ABCF1: variants seen among roughly 807,000 people sequenced by gnomAD.
ABCF1 encodes ATP binding cassette subfamily F member 1, also known as ATP-binding cassette sub-family F member 1.
A neutral mutation model predicts 126.3 loss-of-function variants in ABCF1; 73 were observed. That is an observed-to-expected ratio of 0.58 (90% confidence interval 0.48 to 0.70). ABCF1 has a LOEUF of 0.70. Ranked by LOEUF, ABCF1 falls within the 30% of genes least tolerant of loss-of-function variation. The pLI, the probability that ABCF1 is intolerant of heterozygous loss-of-function variation, is 0.00. For synonymous variants in ABCF1, 345 were observed against 396.4 expected, an observed-to-expected ratio of 0.87 and a Z score of 1.54; for missense variants, 786 against 1,057.5, an observed-to-expected ratio of 0.74 and a Z score of 3.56.
chr6:30,581,836 G>A (rs374585662), intron 8 of ABCF1, among the ~76,000 whole-genome samples: 7 of 152,170 alleles, frequency 4.6e-5, no homozygotes, highest in East Asian at 3.9e-4. Context: ...GGGACATAAC[G>A]CGTTGTCACA....
chr6:30,579,927 C>T lies in ABCF1; in HGVS notation c.490-4C>T. ...TGTGTAATGTGTATGTGTGTCTCCT[C>T]CAGGCCGTATCTGAGGAACAGCAGC... On this transcript the variant is annotated splice_polypyrimidine_tract_variant and splice_region_variant and intron_variant, in intron 6 of 24. Transcript: ENST00000326195. 6.2e-7 allele frequency: 1 copy of T among 1,612,688 alleles called. No individual in the cohort carries two copies. The highest frequency in any genetic ancestry group is 8.5e-7 in the Non-Finnish European group (1 of 1,179,868).
chr6:30,578,555 C>A lies in ABCF1; in HGVS notation c.467C>A (p.Pro156Gln). 1 of 1,613,778 alleles carries A rather than the reference C, an allele frequency of 6.2e-7. No individual in the cohort carries two copies. The highest frequency in any genetic ancestry group is 8.5e-7 in the Non-Finnish European group (1 of 1,179,924). Residue 156 changes from proline (P) to glutamine (Q), a missense_variant, in exon 6 of 25, where the codon CCG (proline) becomes CAG (glutamine). This residue lies in a region of ABCF1 where 322 missense variants were observed against 322.9 expected (regional missense o/e 1.00). Transcript: ENST00000326195. ...EEKHPPKPAKPEKNRINKAVS... is the reference protein window; with the variant it reads ...EEKHPPKPAKQEKNRINKAVS... ...AAACATCCTCCTAAGCCTGCCAAGC[C>A]GGAGAAGAATCGGATCAATAAGGTG...
At position 30,584,589 on chromosome 6, in the gene ABCF1, C is replaced by T; in HGVS notation, c.1391+23C>T. On this transcript the variant is annotated intron_variant, in intron 14 of 24. Coordinates refer to ENST00000326195, the MANE Select transcript of ABCF1 (RefSeq NM_001025091.2). This position sits in a 1 kb window ranked among gnomAD's most constrained non-coding sequence, Gnocchi z 4.6. Reference sequence around the variant, plus strand: ...CAGGTGGGCCATTCACCTCACTGCCCTCCCTTCCAGCCTCAGACCACCGGG... The same window carrying T: ...CAGGTGGGCCATTCACCTCACTGCCTTCCCTTCCAGCCTCAGACCACCGGG... 6.4e-7 allele frequency: 1 copy of T among 1,571,254 alleles called. No homozygotes were observed. The highest frequency in any genetic ancestry group is 8.6e-7 in the Non-Finnish European group (1 of 1,160,200).
At position 30,584,036 on chromosome 6, in the gene ABCF1, G is replaced by A. The variant is rs1265120718; in HGVS notation, c.1102+146G>A. ...GACCGGGAAAGGGATGCTAAGGAAA[G>A]GAGGGGAGGGTCAATGAGGAACTTG... On this transcript the variant is annotated intron_variant, in intron 12 of 24. Transcript: ENST00000326195. This position sits in a 1 kb window ranked among gnomAD's most constrained non-coding sequence, Gnocchi z 4.6. 7.2e-7 allele frequency: 1 copy of A among 1,387,642 alleles called. No homozygotes were observed. The highest frequency in any genetic ancestry group is 9.9e-7 in the Non-Finnish European group (1 of 1,011,518). 86.0% of individuals were successfully genotyped at this position (1,387,642 alleles called of 1,614,324 possible). A position where few individuals can be genotyped will look rare whatever the true frequency, so the allele number is the denominator to read the frequency against.
At chr6:30,590,070 A>C in intron 22 of ABCF1, 79 bp from the exon 23 acceptor site, 1 of 1,606,836 alleles carries the variant, frequency 6.2e-7, no homozygotes, top group Non-Finnish European at 8.5e-7. Flanking sequence ...GCCTCAGCTC[A>C]CAAACTGGCA....
chr6:30,577,115 A>G (rs1801538975), intron 1 of ABCF1, among the ~76,000 whole-genome samples: 2 of 152,202 alleles, frequency 1.3e-5, no homozygotes, highest in South Asian at 2.1e-4. Flanking sequence ...CTCTCTTCCT[A>G]TAGCCTGCAA....
Position 30,583,060 on chromosome 6 carries a change from T to A in ABCF1, c.793-6T>A. 3.1e-6 allele frequency: 5 copies of A among 1,600,646 alleles called. No homozygotes were observed. The highest frequency in any genetic ancestry group is 4.3e-6 in the Non-Finnish European group (5 of 1,169,796). ...GCTTCAAATGTAGTTTTTCCTACCT[T>A]CTCAGATGGAGTATGAGCGCCAAGT... On this transcript the variant is annotated splice_region_variant and splice_polypyrimidine_tract_variant and intron_variant, in intron 9 of 24. Coordinates refer to ENST00000326195, the MANE Select transcript of ABCF1 (RefSeq NM_001025091.2). The surrounding 1 kb of genome is among the most constrained non-coding windows in gnomAD (Gnocchi z 4.1).
intron 8 of ABCF1, 92 bp downstream of exon 8, chr6:30,580,611 T>TC: frequency 1.3e-6 from 1 of 760,638 alleles, no homozygotes; most frequent in Non-Finnish European, 2.0e-6. Flanking sequence ...ATAGTTATTA[T>TC]CCCAGCAAAC....
Position 30,591,446 on chromosome 6 carries a change from G to GC in ABCF1, c.*745_*746insC, listed in dbSNP as rs1802451131. On this transcript the variant is annotated 3_prime_UTR_variant, in exon 25 of 25. Transcript: ENST00000326195. ...TCTTGTTTGCAGTCTTGCTGACAGT[G>GC]TTTGCTGTTTAAGGATCATAGGATT... 1 of 150,684 alleles carries GC rather than the reference G, an allele frequency of 6.6e-6. No individual in the cohort carries two copies. Among genetic ancestry groups the GC allele is most frequent in the Non-Finnish European group, 1.5e-5 (1 of 67,898 alleles). 9.3% of individuals were successfully genotyped at this position (150,684 alleles called of 1,614,324 possible). A position where few individuals can be genotyped will look rare whatever the true frequency, so the allele number is the denominator to read the frequency against.
chr6:30,580,169 C>T (rs1391361283), intron 7 of ABCF1, among the ~76,000 whole-genome samples, 164 bp downstream of exon 7: 2 of 151,838 alleles, frequency 1.3e-5, no homozygotes, highest in Non-Finnish European at 2.9e-5. Context: ...CACGGTAAAA[C>T]CCCGTCTCTA....
Position 30,586,529 on chromosome 6 carries a change from C to T in ABCF1, c.1941C>T (p.Gly647=), listed in dbSNP as rs772256644. The change falls in exon 19 of 25, where the codon GGC becomes GGT. Residue 647 remains glycine, a synonymous_variant. Transcript: ENST00000326195. This position sits in a 1 kb window ranked among gnomAD's most constrained non-coding sequence, Gnocchi z 4.9. ...CACTCTTTAAGAACTTGGATTTTGG[C>T]ATCGACATGGATTCAAGGAGTGAGT... ...QKPLFKNLDF[G]IDMDSRICIV... 1 of 1,613,360 alleles carries T rather than the reference C, an allele frequency of 6.2e-7. No individual in the cohort carries two copies. Among genetic ancestry groups the T allele is most frequent in the Non-Finnish European group, 8.5e-7 (1 of 1,180,036 alleles).
Position 30,583,691 on chromosome 6 carries a change from G to A in ABCF1, c.999G>A (p.Gly333=). The A allele has an allele frequency of 6.2e-7, 1 of 1,614,076 alleles. No homozygotes were observed. ...ACATTGTAGCCGGCCGCCGCTACGG[G>A]CTGGTAGGACCCAATGGGTGAGAAG... ...DLYIVAGRRY[G]LVGPNGKGKT... is the part of the protein sequence containing the mutation. Residue 333 remains glycine (G), a synonymous_variant, in exon 11 of 25, where the codon GGG becomes GGA. Coordinates refer to ENST00000326195, the MANE Select transcript of ABCF1 (RefSeq NM_001025091.2). The surrounding 1 kb of genome is among the most constrained non-coding windows in gnomAD (Gnocchi z 4.1).
rs191359115 is a variant in ABCF1 at position 30,578,086 on chromosome 6, A to G, written c.227A>G (p.Lys76Arg). Residue 76 changes from lysine to arginine, a missense_variant, in exon 4 of 25, where the codon AAG becomes AGG. By Grantham distance (26) the Lys-to-Arg change is conservative. Coordinates refer to ENST00000326195, the MANE Select transcript of ABCF1 (RefSeq NM_001025091.2). ...TTTTGCTCTCAGCAGCAAAAAAAAA[A>G]GCGAGATACCCGAAAAGGCAGGCGG... ...QQQQQQQQKKKRDTRKGRRKK... is the reference protein window; with the variant it reads ...QQQQQQQQKKRRDTRKGRRKK... The G allele has an allele frequency of 1.9e-5, 31 of 1,614,024 alleles. No individual in the cohort carries two copies. The highest frequency in any genetic ancestry group is 2.4e-5 in the Non-Finnish European group (28 of 1,179,992).
Position 30,590,305 on chromosome 6 carries a change from G to A in ABCF1, c.2299-1G>A. 1 of 1,612,056 alleles carries A rather than the reference G, an allele frequency of 6.2e-7. No homozygotes were observed. Among genetic ancestry groups the A allele is most frequent in the Non-Finnish European group, 8.5e-7 (1 of 1,179,290 alleles). ...TCAGTCATGGAATTCCTCCTATGTAGGACGAGCCAACCAATAACCTGGACA... is the reference window on the plus strand; with the variant it reads ...TCAGTCATGGAATTCCTCCTATGTAAGACGAGCCAACCAATAACCTGGACA... On this transcript the variant is annotated splice_acceptor_variant, in intron 23 of 24. Transcript: ENST00000326195. LOFTEE classifies it high-confidence loss of function.
chr6:30,581,541 C>A (rs896768960), intron 8 of ABCF1, among the ~76,000 whole-genome samples: 25 of 151,526 alleles, frequency 1.6e-4, no homozygotes, highest in African/African-American at 5.8e-4. Context: ...GTAGCTGGGA[C>A]TACAGGCACG....
rs547261674 is a variant in ABCF1, at chr6:30,590,799, G to A, written c.*98G>A. 1.4e-6 allele frequency: 2 copies of A among 1,385,902 alleles called. No homozygotes were observed. The highest frequency in any genetic ancestry group is 2.9e-5 in the South Asian group (2 of 69,980). The allele number at this position is 1,385,902 out of a possible 1,614,324, so 85.9% of individuals were successfully genotyped here. ...TGAAGACTGCCTCTGGCCTGCAGCT[G>A]ACCTGGCAACCATTCAGGCACATGA... On this transcript the variant is annotated 3_prime_UTR_variant, in exon 25 of 25. Transcript: ENST00000326195.
At chr6:30,580,036 G>A (rs1453643227) in intron 7 of ABCF1, 31 bp downstream of exon 7, 1 of 1,606,002 alleles carries the variant, frequency 6.2e-7, no homozygotes, top group South Asian at 1.1e-5. Flanking sequence ...AGGAGGTATT[G>A]GGGCCCAGGA....
At position 30,571,687 on chromosome 6, in the gene ABCF1, C is replaced by G. The variant is rs1020409387; in HGVS notation, c.73+127C>G. ...TGCGGGAGTTACTGCGCATGCGTGC[C>G]GTGGGCCCGGGAGGAGTTTGCCGGG... On this transcript the variant is annotated intron_variant, in intron 1 of 24. Coordinates refer to ENST00000326195, the MANE Select transcript of ABCF1 (RefSeq NM_001025091.2). 3.8e-6 allele frequency: 4 copies of G among 1,058,998 alleles called. No homozygotes were observed. In the Admixed American group the frequency reaches 7.5e-5, roughly 20 times the overall value. 65.6% of individuals were successfully genotyped at this position (1,058,998 alleles called of 1,614,324 possible).
In ABCF1 at chr6:30,590,566, C is replaced by A; in HGVS notation, c.2403C>A (p.Leu801=). Reference sequence around the variant, plus strand: ...TCGTTGTCAGCCATGATGCCCGACTCATCACAGAAACCAATTGCCAGCTGT... The same window carrying A: ...TCGTTGTCAGCCATGATGCCCGACTAATCACAGAAACCAATTGCCAGCTGT... The part of the protein sequence containing the change: ...AVIVVSHDAR[L]ITETNCQLWV... Residue 801 remains leucine (L), a synonymous_variant, in exon 25 of 25, where the codon CTC becomes CTA. Coordinates refer to ENST00000326195, the MANE Select transcript of ABCF1 (RefSeq NM_001025091.2). The A allele has an allele frequency of 6.2e-7, 1 of 1,612,718 alleles. No homozygotes were observed.
Sources: gnomAD v4.1 joint callset for allele counts (sites outside exome capture counted in the v4.1 genomes callset) on GRCh38, gnomAD v4.1.1 for gene constraint, gnomAD v4.1.1 regional missense constraint, Gnocchi (gnomAD v3.1) non-coding constraint, MANE v1.5 for transcripts, NCBI Gene and HGNC (gene_info 2026-07-23, HGNC 2026-07-21) for gene names.